Variants in DGKG observed in about 807,000 individuals in gnomAD.
DGKG encodes DAG kinase gamma.
DGKG carries 78 observed loss-of-function variants against 105.3 expected under a neutral mutation model. The observed-to-expected ratio is 0.74, with a 90% CI of 0.62 to 0.89. DGKG has a LOEUF of 0.89. Among genes scored for constraint, DGKG ranks in the 40% least tolerant of loss-of-function variants. DGKG has a pLI of 0.00. For synonymous variants in DGKG, 346 were observed against 367.1 expected, an observed-to-expected ratio of 0.94 and a Z score of 0.66; for missense variants, 958 against 1,020.1, an observed-to-expected ratio of 0.94 and a Z score of 0.83.
intron 2 of DGKG, among the ~76,000 whole-genome samples, chr3:186,316,875 C>T (rs963841789): frequency 2.0e-5 from 3 of 152,160 alleles, no homozygotes; most frequent in Non-Finnish European, 4.4e-5. Flanking sequence ...CAATGCAATC[C>T]GACTGAACAC....
At chr3:186,170,342 CTGGACCGGCA>C (rs1468631487) in intron 22 of DGKG, among the ~76,000 whole-genome samples, 2 of 152,162 alleles carry the variant, frequency 1.3e-5, no homozygotes, top group Non-Finnish European at 1.5e-5. Flanking sequence ...AAGTCTGGTC[CTGGACCGGCA>C]GCCTCAGCAT....
At chr3:186,258,383 T>G (rs1193385072) in intron 16 of DGKG, among the ~76,000 whole-genome samples, 1 of 152,198 alleles carries the variant, frequency 6.6e-6, no homozygotes, top group Non-Finnish European at 1.5e-5. Flanking sequence ...AGTGGAGTGA[T>G]GCCCTTCTCT....
intron 1 of DGKG, among the ~76,000 whole-genome samples, chr3:186,358,583 A>T (rs1727088057): frequency 6.6e-6 from 1 of 151,146 alleles, no homozygotes; most frequent in Non-Finnish European, 1.5e-5. Flanking sequence ...CCACCTGAGG[A>T]CATTTTTTTT....
chr3:186,158,981 T>C (rs1438507661), intron 24 of DGKG: 1 of 284,512 alleles, frequency 3.5e-6, no homozygotes, highest in Non-Finnish European at 5.3e-6. Context: ...TGATAAAGGA[T>C]AAAATAAGAT....
At chr3:186,195,639 A>T (rs1718142935) in intron 21 of DGKG, among the ~76,000 whole-genome samples, 1 of 152,124 alleles carries the variant, frequency 6.6e-6, no homozygotes, top group South Asian at 2.1e-4. Flanking sequence ...GCGGCCCGAG[A>T]CTGCATTTCT....
At chr3:186,222,024 C>T (rs761873395) in intron 20 of DGKG, among the ~76,000 whole-genome samples, 5 of 152,146 alleles carry the variant, frequency 3.3e-5, no homozygotes, top group Non-Finnish European at 4.4e-5. Flanking sequence ...TCACGTCTAC[C>T]CCCTGCGGTA....
chr3:186,209,093 C>CTTTTTTTTT (rs34226259), intron 21 of DGKG, among the ~76,000 whole-genome samples: 3 of 89,838 alleles, frequency 3.3e-5, no homozygotes, highest in African/African-American at 1.4e-4. Flanking sequence ...GTTTACTCTT[C>CTTTTTTTTT]TTTTTTTTTT....
intron 10 of DGKG, 92 bp from the exon 11 acceptor site, chr3:186,272,435 C>T: frequency 3.3e-6 from 3 of 901,968 alleles, no homozygotes; most frequent in Non-Finnish European, 5.4e-6. Context: ...TCTGTACCTC[C>T]CTTTGGGTGG....
At chr3:186,325,146 A>T (rs1725274786) in intron 1 of DGKG, among the ~76,000 whole-genome samples, 1 of 152,204 alleles carries the variant, frequency 6.6e-6, no homozygotes, top group African/African-American at 2.4e-5. Context: ...ATATGTGAAA[A>T]CCAAATACTA....
At chr3:186,182,552 A>C (rs2377803) in intron 22 of DGKG, among the ~76,000 whole-genome samples, 1,686 of 152,104 alleles carry the variant, frequency 0.011, 40 homozygotes, top group African/African-American at 0.038. Context: ...GTGAGTCCCT[A>C]CTCTACCCTC....
At chr3:186,186,196 T>G (rs1264735974) in intron 22 of DGKG, among the ~76,000 whole-genome samples, 1 of 150,972 alleles carries the variant, frequency 6.6e-6, no homozygotes, top group Non-Finnish European at 1.5e-5. Context: ...GCCTGGAATA[T>G]AACAATCTGA....
At chr3:186,352,167 G>A (rs1485812897) in intron 1 of DGKG, among the ~76,000 whole-genome samples, 1 of 152,052 alleles carries the variant, frequency 6.6e-6, no homozygotes, top group African/African-American at 2.4e-5. Context: ...AAATTTGTGA[G>A]CTCTAATATG....
At chr3:186,349,657 C>G (rs932629565) in intron 1 of DGKG, among the ~76,000 whole-genome samples, 2 of 152,140 alleles carry the variant, frequency 1.3e-5, no homozygotes, top group African/African-American at 4.8e-5. Flanking sequence ...AGTCCCATGG[C>G]CCCAGCACAA....
intron 21 of DGKG, among the ~76,000 whole-genome samples, chr3:186,202,126 G>C (rs1392810085): frequency 2.6e-5 from 4 of 152,210 alleles, no homozygotes; most frequent in African/African-American, 9.7e-5. Context: ...CAACCATGCA[G>C]AGCTGTTATA....
At chr3:186,255,142 TC>T (rs1372523931) in intron 17 of DGKG, among the ~76,000 whole-genome samples, 1 of 152,208 alleles carries the variant, frequency 6.6e-6, no homozygotes, top group East Asian at 1.9e-4. Flanking sequence ...CCTTGTTTGT[TC>T]CCTGAATGTA....
At chr3:186,296,520 G>A (rs963920924) in intron 5 of DGKG, among the ~76,000 whole-genome samples, 3 of 152,244 alleles carry the variant, frequency 2.0e-5, no homozygotes, top group African/African-American at 7.2e-5. Flanking sequence ...ACAGCAGAGA[G>A]GAATGGCTTC....
At chr3:186,227,988 A>G (rs141724432) in intron 20 of DGKG, among the ~76,000 whole-genome samples, 63 of 152,366 alleles carry the variant, frequency 4.1e-4, no homozygotes, top group Middle Eastern at 3.4e-3. Context: ...GAAGGCCAAC[A>G]AACTCTGACA....
intron 3 of DGKG, among the ~76,000 whole-genome samples, chr3:186,303,639 A>G (rs1485096990): frequency 1.3e-5 from 2 of 152,140 alleles, no homozygotes; most frequent in African/African-American, 2.4e-5. Flanking sequence ...GGGCTTTGTG[A>G]TCAGGTGTCT....
intron 3 of DGKG, among the ~76,000 whole-genome samples, chr3:186,302,460 CTATATATA>C (rs58937810): frequency 0.024 from 1,139 of 48,434 alleles, 17 homozygotes; most frequent in Middle Eastern, 0.038. Flanking sequence ...GGGAAATGTG[CTATATATA>C]TATATATATA....
Sources: gnomAD v4.1 joint callset for allele counts (sites outside exome capture counted in the v4.1 genomes callset) on GRCh38, gnomAD v4.1.1 for gene constraint, MANE v1.5 for transcripts, NCBI Gene and HGNC (gene_info 2026-07-23, HGNC 2026-07-21) for gene names.